CTNNA3: variants seen among roughly 807,000 people sequenced by gnomAD.
CTNNA3 encodes the protein catenin alpha 3, also known as catenin alpha-3.
A neutral mutation model predicts 95.7 loss-of-function variants in CTNNA3; 76 were observed. That is an observed-to-expected ratio of 0.79 (90% CI 0.66 to 0.96). CTNNA3 has a LOEUF of 0.96. Ranked by LOEUF, CTNNA3 falls within the 40% of genes least tolerant of loss-of-function variation. The pLI is 0.00. For missense variants in CTNNA3, 1,191 were observed against 1,089.8 expected (o/e 1.09, Z -1.31); for synonymous variants, 431 against 374.4 (o/e 1.15, Z -1.74).
chr10:67,258,610 C>G (rs536469057), intron 5 of CTNNA3, among the ~76,000 whole-genome samples: 6 of 152,252 alleles, frequency 3.9e-5, no homozygotes, highest in Middle Eastern at 3.4e-3. Context: ...TAAGATCTAT[C>G]TTTCAACTGT....
At chr10:66,534,417 T>C (rs555070434) in intron 10 of CTNNA3, among the ~76,000 whole-genome samples, 1 of 151,342 alleles carries the variant, frequency 6.6e-6, no homozygotes, top group South Asian at 2.1e-4. Flanking sequence ...CAGATGCTAC[T>C]ATTAAAAGAG....
rs557815405 is a variant in CTNNA3 at position 67,725,957 on chromosome 10, T to C, written c.-2+37477A>G. On this transcript the variant is annotated intron_variant, in intron 1 of 17. Transcript: ENST00000684154. The stretch of plus-strand genomic sequence containing the variant: ...TATAATTATTTTTAGTATATGTATA[T>C]ATAATATATATGTAATATATACTAT... 4.2e-3 allele frequency among the ~76,000 whole-genome samples: 562 copies of C among 133,420 alleles called. 5 individuals carry two copies. Among genetic ancestry groups the C allele is most frequent in the African/African-American group, 0.015 (523 of 33,830 alleles). 87.5% of individuals were successfully genotyped at this position (133,420 alleles called of 152,430 possible).
At chr10:67,373,844 G>T (rs1312428301) in intron 5 of CTNNA3, among the ~76,000 whole-genome samples, 5 of 152,166 alleles carry the variant, frequency 3.3e-5, no homozygotes, top group African/African-American at 1.2e-4. Context: ...GGGCAGAGAA[G>T]TCAAGGGAAA....
intron 10 of CTNNA3, among the ~76,000 whole-genome samples, chr10:66,617,818 T>C (rs1429122360): frequency 1.3e-5 from 2 of 151,760 alleles, no homozygotes; most frequent in East Asian, 3.9e-4. Flanking sequence ...AACCCCACTG[T>C]CTCAGCCCAA....
intron 9 of CTNNA3, among the ~76,000 whole-genome samples, chr10:66,645,447 C>T (rs1281298059): frequency 1.3e-5 from 2 of 152,168 alleles, no homozygotes; most frequent in Admixed American, 6.5e-5. Context: ...ATTGCTCCAA[C>T]ACCATTTGTG....
intron 7 of CTNNA3, among the ~76,000 whole-genome samples, chr10:66,795,793 T>G (rs1564688782): frequency 6.6e-6 from 1 of 152,206 alleles, no homozygotes; most frequent in Non-Finnish European, 1.5e-5. Flanking sequence ...CTGGATAACT[T>G]GCTGCACCTT....
intron 9 of CTNNA3, among the ~76,000 whole-genome samples, chr10:66,715,850 T>C (rs1309623301): frequency 6.6e-6 from 1 of 151,916 alleles, no homozygotes; most frequent in Non-Finnish European, 1.5e-5. Context: ...TAAAATAAAA[T>C]GAAATTGTAT....
At chr10:66,944,434 C>T (rs543868635) in intron 7 of CTNNA3, among the ~76,000 whole-genome samples, 5 of 152,264 alleles carry the variant, frequency 3.3e-5, no homozygotes, top group African/African-American at 9.6e-5. Context: ...TTACTTCCTC[C>T]ACTGAAGTCT....
At chr10:66,887,110 G>A (rs1845072007) in intron 7 of CTNNA3, among the ~76,000 whole-genome samples, 1 of 152,150 alleles carries the variant, frequency 6.6e-6, no homozygotes, top group African/African-American at 2.4e-5. Context: ...ATCACACCAG[G>A]AGAGCTGTCA....
Position 67,235,437 on chromosome 10 carries a change from C to G in CTNNA3, c.580-15567G>C, listed in dbSNP as rs372253824. Among the ~76,000 whole-genome samples, 20 of 152,048 alleles carry G rather than the reference C, an allele frequency of 1.3e-4. No individual in the cohort carries two copies. In the East Asian group the frequency reaches 1.4e-3, roughly 10 times the overall value. ...GAAAGTATTCCCTATTTAATAAATG[C>G]TGCTGGGAAAACTGGCTAGCCATAT... On this transcript the variant is annotated intron_variant, in intron 5 of 17. Coordinates refer to ENST00000433211, the MANE Select transcript of CTNNA3 (RefSeq NM_013266.4).
At chr10:67,293,049 C>T (rs1357053703) in intron 5 of CTNNA3, among the ~76,000 whole-genome samples, 1 of 151,996 alleles carries the variant, frequency 6.6e-6, no homozygotes, top group Non-Finnish European at 1.5e-5. Flanking sequence ...GTCAATAAAG[C>T]AGAACCATCA....
At chr10:66,265,813 C>A (rs963946606) in intron 13 of CTNNA3, among the ~76,000 whole-genome samples, 2 of 151,930 alleles carry the variant, frequency 1.3e-5, no homozygotes, top group African/African-American at 4.8e-5. Flanking sequence ...CTGCTTCCTT[C>A]CTATCACTCA....
intron 11 of CTNNA3, among the ~76,000 whole-genome samples, chr10:66,406,913 C>T (rs376455324): frequency 2.6e-5 from 4 of 152,032 alleles, no homozygotes; most frequent in Admixed American, 1.3e-4. Flanking sequence ...CAGATCATTT[C>T]GATATGTTTT....
chr10:67,227,185 A>C (rs1294974445), intron 5 of CTNNA3, among the ~76,000 whole-genome samples: 1 of 148,122 alleles, frequency 6.8e-6, no homozygotes, highest in Admixed American at 6.8e-5. Flanking sequence ...TCTGCCTCCC[A>C]GTTTCAAGCG....
intron 9 of CTNNA3, among the ~76,000 whole-genome samples, chr10:66,650,950 G>T (rs1055271800): frequency 6.6e-6 from 1 of 152,142 alleles, no homozygotes; most frequent in Non-Finnish European, 1.5e-5. Flanking sequence ...GGCTCGGGCA[G>T]CCTCCTTTTA....
intron 7 of CTNNA3, among the ~76,000 whole-genome samples, chr10:67,046,678 A>G (rs1457608700): frequency 1.3e-5 from 2 of 152,220 alleles, no homozygotes; most frequent in East Asian, 3.9e-4. Context: ...TAGGGATACT[A>G]TACATTGGCA....
intron 17 of CTNNA3, among the ~76,000 whole-genome samples, chr10:65,941,333 G>A (rs1014222450): frequency 6.6e-6 from 1 of 152,032 alleles, no homozygotes; most frequent in African/African-American, 2.4e-5. Flanking sequence ...TGAAGTCCAG[G>A]GTCTACTAAG....
intron 14 of CTNNA3, among the ~76,000 whole-genome samples, chr10:66,075,220 C>T (rs1036513221): frequency 6.6e-6 from 1 of 151,582 alleles, no homozygotes; most frequent in African/African-American, 2.4e-5. Flanking sequence ...TATTTATCTG[C>T]TTAAAAAATT....
At chr10:66,474,246 G>A (rs892843881) in intron 11 of CTNNA3, among the ~76,000 whole-genome samples, 4 of 151,848 alleles carry the variant, frequency 2.6e-5, no homozygotes, top group Admixed American at 6.6e-5. Flanking sequence ...CTAGCCTCTG[G>A]CAAACACTAT....
Sources: gnomAD v4.1 joint callset for allele counts (sites outside exome capture counted in the v4.1 genomes callset) on GRCh38, gnomAD v4.1.1 for gene constraint, MANE v1.5 for transcripts, NCBI Gene and HGNC (gene_info 2026-07-23, HGNC 2026-07-21) for gene names.